GALC: variants seen among roughly 807,000 people sequenced by gnomAD.
GALC encodes the protein galactocerebrosidase.
Under a neutral mutation model 91.8 loss-of-function variants are expected in GALC, and 77 were observed. The ratio of observed to expected loss-of-function variants is 0.84; its 90% CI spans 0.70 to 1.01. GALC has a LOEUF of 1.01. GALC is among the 50% of genes least tolerant of loss of function. The pLI is 0.00. For synonymous variants in GALC, 357 were observed against 306.7 expected (o/e 1.16, Z -1.71); for missense variants, 882 against 855.9 (o/e 1.03, Z -0.38).
intron 6 of GALC, chr14:87,981,113 G>C (rs111814351): frequency 0.11 from 17,159 of 152,188 alleles, 1,120 homozygotes; most frequent in Non-Finnish European, 0.16. Flanking sequence ...ATACAATGGA[G>C]TACTACTCAG....
At chr14:87,957,450 G>C (rs1885604592) in intron 10 of GALC, among the ~76,000 whole-genome samples, 1 of 151,942 alleles carries the variant, frequency 6.6e-6, no homozygotes, top group Non-Finnish European at 1.5e-5. Context: ...GTGAGAGGTA[G>C]GGATGCAGTT....
chr14:87,950,867 T>A, intron 10 of GALC, 119 bp from the exon 11 acceptor site: 1 of 647,092 alleles, frequency 1.5e-6, no homozygotes, highest in Non-Finnish European at 2.8e-6. Flanking sequence ...ATAACAAATA[T>A]GAGTTTATTT....
rs202189738 is a variant in GALC, at chr14:87,961,864, TAAAC to T, written c.1161+1516_1161+1519del. Among the ~76,000 whole-genome samples the T allele has an allele frequency of 3.7e-3, 564 of 152,250 alleles. 2 individuals carry two copies. Among genetic ancestry groups the T allele is most frequent in the African/African-American group, 0.013 (525 of 41,550 alleles). ...AAGTACCCGATCGAGAGAAGACAAT[TAAAC>T]AAACAAACAAACAAACAAAAACCTC... On this transcript the variant is annotated intron_variant, in intron 10 of 16. Coordinates refer to ENST00000261304, the MANE Select transcript of GALC (RefSeq NM_000153.4).
intron 10 of GALC, among the ~76,000 whole-genome samples, chr14:87,951,433 T>C (rs534857527): frequency 1.9e-4 from 29 of 152,070 alleles, no homozygotes; most frequent in South Asian, 4.1e-4. Flanking sequence ...TAGTAATTGA[T>C]AGTACAACTA....
At chr14:87,953,501 C>T in intron 10 of GALC, 2 of 1,602,384 alleles carry the variant, frequency 1.2e-6, no homozygotes, top group South Asian at 2.2e-5. Context: ...GAAGAAAATA[C>T]AGGATCTCAA....
intron 3 of GALC, 130 bp from the exon 4 acceptor site, chr14:87,986,732 G>C (rs1235505998): frequency 9.2e-5 from 64 of 696,068 alleles, no homozygotes; most frequent in Middle Eastern, 7.9e-4. Context: ...CCTGAAGTTG[G>C]GGAAATCATA....
intron 10 of GALC, among the ~76,000 whole-genome samples, chr14:87,951,924 A>T (rs947176502): frequency 1.3e-5 from 2 of 151,822 alleles, no homozygotes; most frequent in African/African-American, 4.8e-5. Flanking sequence ...ATACTAGAAA[A>T]ATAGGAGCAA....
intron 10 of GALC, chr14:87,953,896 T>G (rs1266818486): frequency 1.2e-6 from 2 of 1,610,256 alleles, no homozygotes. Context: ...GGCTCTAAAG[T>G]GCCTTTAGCA....
At position 87,993,175 on chromosome 14, in the gene GALC, A is replaced by T. The variant is rs1389446005; in HGVS notation, c.-11T>A. Reference sequence around the variant, plus strand: ...TAGCCACTCAGCCATTGTGTGGGTCACATGACTCCGGCGCCCAGGGAGGCG... The same window carrying T: ...TAGCCACTCAGCCATTGTGTGGGTCTCATGACTCCGGCGCCCAGGGAGGCG... On this transcript the variant is annotated 5_prime_UTR_variant, in exon 1 of 17. It removes the in-frame stop codon of an upstream open reading frame in the 5' UTR. Coordinates refer to ENST00000261304, the MANE Select transcript of GALC (RefSeq NM_000153.4). The T allele has an allele frequency of 1.3e-6, 2 of 1,584,012 alleles. No homozygotes were observed. Among genetic ancestry groups the T allele is most frequent in the Non-Finnish European group, 1.7e-6 (2 of 1,164,970 alleles).
chr14:87,969,005 G>GA (rs1886171722), intron 7 of GALC, among the ~76,000 whole-genome samples: 1 of 152,116 alleles, frequency 6.6e-6, no homozygotes, highest in African/African-American at 2.4e-5. Context: ...TTAGAACACA[G>GA]AAAGATAGCT....
At chr14:87,988,404 T>C (rs780647982) in intron 2 of GALC, 51 bp downstream of exon 2, 201 of 1,369,896 alleles carry the variant, frequency 1.5e-4, no homozygotes, top group Non-Finnish European at 1.9e-4. Context: ...AAATTCACCA[T>C]CCAATTTCTA....
chr14:87,961,511 T>C (rs995590696), intron 10 of GALC, among the ~76,000 whole-genome samples: 10 of 152,142 alleles, frequency 6.6e-5, no homozygotes, highest in Admixed American at 5.2e-4. Flanking sequence ...TGTACACATA[T>C]GCTAATCCAC....
chr14:87,954,105 A>C, intron 10 of GALC: 3 of 1,609,692 alleles, frequency 1.9e-6, no homozygotes, highest in Non-Finnish European at 2.5e-6. Context: ...TTATTCATCT[A>C]TTCAGCCTGA....
intron 7 of GALC, among the ~76,000 whole-genome samples, chr14:87,973,803 G>A (rs927034945): frequency 1.3e-5 from 2 of 152,092 alleles, no homozygotes; most frequent in South Asian, 2.1e-4. Context: ...AGAAACATTC[G>A]TGGCCTCCAT....
chr14:87,942,114 G>A (rs139983177), intron 14 of GALC, among the ~76,000 whole-genome samples: 293 of 152,040 alleles, frequency 1.9e-3, no homozygotes, highest in Non-Finnish European at 2.2e-3. Flanking sequence ...CTCTCTAGGA[G>A]GGCTTCTCAC....
At chr14:87,973,468 C>G (rs944984897) in intron 7 of GALC, among the ~76,000 whole-genome samples, 1 of 152,206 alleles carries the variant, frequency 6.6e-6, no homozygotes, top group Admixed American at 6.5e-5. Context: ...GAAATGTAAA[C>G]TAAGTTTGCA....
At chr14:87,947,913 G>GT in intron 12 of GALC, 35 bp from the exon 13 acceptor site, 1 of 1,593,436 alleles carries the variant, frequency 6.3e-7, no homozygotes, top group Non-Finnish European at 8.6e-7. Flanking sequence ...TCAGGACCAG[G>GT]TACTATAGCT....
chr14:87,938,835 T>C (rs1299851229), intron 16 of GALC, among the ~76,000 whole-genome samples: 1 of 151,834 alleles, frequency 6.6e-6, no homozygotes, highest in African/African-American at 2.4e-5. Flanking sequence ...AAAAATACCA[T>C]AAGCAAAATT....
At chr14:87,951,089 T>G (rs1416080092) in intron 10 of GALC, among the ~76,000 whole-genome samples, 1 of 151,776 alleles carries the variant, frequency 6.6e-6, no homozygotes, top group Non-Finnish European at 1.5e-5. Flanking sequence ...AAGGATGTTT[T>G]CACTGAAAAG....
Sources: gnomAD v4.1 joint callset for allele counts (sites outside exome capture counted in the v4.1 genomes callset) on GRCh38, gnomAD v4.1.1 for gene constraint, MANE v1.5 for transcripts, NCBI Gene and HGNC (gene_info 2026-07-23, HGNC 2026-07-21) for gene names.